Variants in KCTD3 observed in about 807,000 individuals in gnomAD.
KCTD3 encodes potassium channel tetramerization domain containing 3, also known as BTB/POZ domain-containing protein KCTD3.
In KCTD3, 41 loss-of-function variants were observed where a neutral mutation model predicts 85.8. The ratio of observed to expected loss-of-function variants is 0.48; its 90% confidence interval spans 0.37 to 0.62. The LOEUF is 0.62. Ranked by LOEUF, KCTD3 falls within the 20% of genes least tolerant of loss-of-function variation. The pLI is 0.00. For synonymous variants in KCTD3, 338 were observed against 345.4 expected (o/e 0.98, Z 0.24); for missense variants, 724 against 989.9 (o/e 0.73, Z 3.60).
At chr1:215,607,759 C>T (rs1655090158) in intron 13 of KCTD3, among the ~76,000 whole-genome samples, 1 of 151,926 alleles carries the variant, frequency 6.6e-6, no homozygotes, top group South Asian at 2.1e-4. Flanking sequence ...TTATTTTTAA[C>T]CTTTACTACA....
At chr1:215,616,223 T>C (rs1655444134) in intron 15 of KCTD3, among the ~76,000 whole-genome samples, 1 of 152,200 alleles carries the variant, frequency 6.6e-6, no homozygotes, top group Non-Finnish European at 1.5e-5. Flanking sequence ...ATTTGTTTTA[T>C]TTGAAACATA....
chr1:215,601,435 T>G (rs567657406), intron 10 of KCTD3, among the ~76,000 whole-genome samples: 3 of 152,312 alleles, frequency 2.0e-5, no homozygotes, highest in African/African-American at 7.2e-5. Flanking sequence ...TCAGTTGCTT[T>G]GTTTACTAGT....
chr1:215,620,421 A>G lies in KCTD3; in HGVS notation c.2251A>G (p.Ile751Val). ...ATCAGAAGATGAAAATGAAAATAAAATAGAGTTTAGGAAGAAAGGAGGATT... is the reference window on the plus strand; with the variant it reads ...ATCAGAAGATGAAAATGAAAATAAAGTAGAGTTTAGGAAGAAAGGAGGATT... ...RSSEDENENK[I>V]EFRKKGGFEG... Residue 751 changes from isoleucine to valine, a missense_variant, in exon 18 of 18, where the codon ATA (isoleucine) becomes GTA (valine). By Grantham distance (29) the Ile-to-Val change is conservative. This residue lies in a region of KCTD3 where 222 missense variants were observed against 217.7 expected (regional missense o/e 1.02). Coordinates refer to ENST00000259154, the MANE Select transcript of KCTD3 (RefSeq NM_016121.5). 1.2e-6 allele frequency: 2 copies of G among 1,613,214 alleles called. No individual in the cohort carries two copies. Among genetic ancestry groups the G allele is most frequent in the Non-Finnish European group, 8.5e-7 (1 of 1,179,664 alleles).
intron 10 of KCTD3, among the ~76,000 whole-genome samples, chr1:215,600,838 A>T (rs1654801758): frequency 1.3e-5 from 2 of 152,234 alleles, no homozygotes; most frequent in South Asian, 4.1e-4. Context: ...GAAGAAGCTT[A>T]ACAGGCTTGT....
In KCTD3 at chr1:215,614,717, G is replaced by A. The variant is rs138266571; in HGVS notation, c.1562+2796G>A. On this transcript the variant is annotated intron_variant, in intron 15 of 17. Transcript: ENST00000259154. ...TTGTTTATTAGATGTAGGAGCCTTT[G>A]GCAGAGACTGTGGGGTTTTCTAGGT... Among the ~76,000 whole-genome samples the A allele has an allele frequency of 4.3e-4, 66 of 152,186 alleles. 1 individual carries two copies. The East Asian group carries it at 0.012, about 28-fold the overall frequency.
At chr1:215,606,114 A>G (rs1425299547) in intron 13 of KCTD3, among the ~76,000 whole-genome samples, 1 of 152,174 alleles carries the variant, frequency 6.6e-6, no homozygotes, top group Non-Finnish European at 1.5e-5. Context: ...CTCATTGCTG[A>G]TAACACTCTA....
At chr1:215,606,205 G>C (rs1212278386) in intron 13 of KCTD3, among the ~76,000 whole-genome samples, 1 of 152,050 alleles carries the variant, frequency 6.6e-6, no homozygotes, top group East Asian at 1.9e-4. Context: ...TTGCCCATAG[G>C]TATTTGTTTG....
intron 14 of KCTD3, among the ~76,000 whole-genome samples, chr1:215,610,897 G>A (rs1020810849): frequency 2.0e-5 from 3 of 151,836 alleles, no homozygotes; most frequent in Admixed American, 2.0e-4. Context: ...GTAAGTATTA[G>A]CTAATAATAA....
chr1:215,589,074 A>G (rs1660122901), intron 9 of KCTD3, among the ~76,000 whole-genome samples: 1 of 152,124 alleles, frequency 6.6e-6, no homozygotes, highest in African/African-American at 2.4e-5. Context: ...ATACCAAACA[A>G]TTTCTGGATT....
At chr1:215,601,238 G>A (rs1041966236) in intron 10 of KCTD3, among the ~76,000 whole-genome samples, 3 of 145,656 alleles carry the variant, frequency 2.1e-5, no homozygotes, top group Non-Finnish European at 4.4e-5. Context: ...TTGTAAACTA[G>A]ATTGATTTTC....
At chr1:215,580,026 T>C in intron 8 of KCTD3, 27 bp downstream of exon 8, 1 of 1,348,976 alleles carries the variant, frequency 7.4e-7, no homozygotes, top group Non-Finnish European at 1.1e-6. Flanking sequence ...AATGCTTTGC[T>C]TTTACAGGTG....
At chr1:215,576,124 A>C (rs887595403) in intron 4 of KCTD3, 150 bp downstream of exon 4, 3 of 584,296 alleles carry the variant, frequency 5.1e-6, no homozygotes, top group Non-Finnish European at 9.1e-6. Context: ...GCAGGAGTGC[A>C]GTGGCATGAT....
chr1:215,615,284 G>C (rs1655390228), intron 15 of KCTD3, among the ~76,000 whole-genome samples: 1 of 152,108 alleles, frequency 6.6e-6, no homozygotes, highest in South Asian at 2.1e-4. Flanking sequence ...AAGGAAGCAA[G>C]AAAAAACCTT....
At chr1:215,607,876 C>T (rs1655093654) in intron 13 of KCTD3, 141 bp from the exon 14 acceptor site, 4 of 550,878 alleles carry the variant, frequency 7.3e-6, no homozygotes, top group Admixed American at 4.0e-5. Flanking sequence ...GTTAAGTAGT[C>T]ACAAATCAAG....
intron 9 of KCTD3, among the ~76,000 whole-genome samples, chr1:215,587,620 A>G (rs1450433990): frequency 2.0e-5 from 3 of 152,194 alleles, no homozygotes; most frequent in Non-Finnish European, 4.4e-5. Context: ...TTGAACTGTG[A>G]TATCTATTTC....
intron 15 of KCTD3, among the ~76,000 whole-genome samples, chr1:215,615,801 C>G (rs1655422402): frequency 6.6e-6 from 1 of 152,042 alleles, no homozygotes; most frequent in Non-Finnish European, 1.5e-5. Flanking sequence ...AATGAAGACC[C>G]AAAGACACAA....
intron 9 of KCTD3, among the ~76,000 whole-genome samples, chr1:215,589,316 T>C (rs1490754790): frequency 6.6e-6 from 1 of 152,042 alleles, no homozygotes; most frequent in Non-Finnish European, 1.5e-5. Context: ...GCTATTATTT[T>C]TTAATCACTG....
intron 8 of KCTD3, among the ~76,000 whole-genome samples, chr1:215,581,349 G>T (rs1300135540): frequency 2.0e-5 from 3 of 152,156 alleles, no homozygotes; most frequent in Non-Finnish European, 4.4e-5. Context: ...TTTGGGGATG[G>T]TTTTGTATGA....
chr1:215,578,724 T>A (rs1003974781), intron 6 of KCTD3, among the ~76,000 whole-genome samples: 2 of 152,236 alleles, frequency 1.3e-5, no homozygotes, highest in African/African-American at 4.8e-5. Context: ...GCAGACTGAA[T>A]TAATTACCCA....
Sources: allele counts gnomAD v4.1 joint callset (sites outside exome capture counted in the v4.1 genomes callset), GRCh38; gene constraint gnomAD v4.1.1; regional missense constraint gnomAD v4.1.1; transcripts MANE v1.5; gene names NCBI Gene and HGNC (gene_info 2026-07-23, HGNC 2026-07-21).